TRIP4: variants seen among roughly 807,000 people sequenced by gnomAD.
The protein encoded by TRIP4 is activating signal cointegrator 1.
In TRIP4, 54 loss-of-function variants were observed where a neutral mutation model predicts 81.8. The observed-to-expected ratio is 0.66, with a 90% CI of 0.53 to 0.83. TRIP4 has a LOEUF of 0.83. Among genes scored for constraint, TRIP4 ranks in the 40% least tolerant of loss-of-function variants. TRIP4 has a pLI of 0.00. For synonymous variants in TRIP4, 270 were observed against 242.8 expected, an observed-to-expected ratio of 1.11 and a Z score of -1.04; for missense variants, 662 against 683.6, an observed-to-expected ratio of 0.97 and a Z score of 0.35.
intron 9 of TRIP4, among the ~76,000 whole-genome samples, chr15:64,420,229 C>T (rs1029825800): frequency 2.6e-5 from 4 of 151,430 alleles, no homozygotes; most frequent in Admixed American, 2.0e-4. Context: ...TCAAGCCATT[C>T]TCCTGCCTCA....
At chr15:64,400,693 C>A in intron 4 of TRIP4, 50 bp from the exon 5 acceptor site, 1 of 1,418,582 alleles carries the variant, frequency 7.0e-7, no homozygotes, top group Non-Finnish European at 9.9e-7. Context: ...ATCAAGAAAG[C>A]AATATAATTT....
intron 4 of TRIP4, among the ~76,000 whole-genome samples, chr15:64,399,847 T>C (rs1323696524): frequency 8.6e-5 from 13 of 151,682 alleles, no homozygotes; most frequent in Admixed American, 3.3e-4. Flanking sequence ...TGCTGGCTTA[T>C]GTCTGTAATC....
chr15:64,405,840 T>A (rs1891610065), intron 5 of TRIP4, among the ~76,000 whole-genome samples: 1 of 152,090 alleles, frequency 6.6e-6, no homozygotes, highest in African/African-American at 2.4e-5. Context: ...TACAAAAATT[T>A]AAAAATTCAG....
intron 5 of TRIP4, among the ~76,000 whole-genome samples, chr15:64,405,094 T>C (rs1324994577): frequency 6.6e-6 from 1 of 152,112 alleles, no homozygotes; most frequent in Non-Finnish European, 1.5e-5. Flanking sequence ...ATGGAATCAA[T>C]GTTGGCTTTA....
chr15:64,413,880 C>CT (rs2140294849), intron 7 of TRIP4, among the ~76,000 whole-genome samples: 1 of 152,326 alleles, frequency 6.6e-6, no homozygotes, highest in East Asian at 1.9e-4. Flanking sequence ...GCCACTGTGC[C>CT]TGGCCATTCT....
intron 12 of TRIP4, among the ~76,000 whole-genome samples, chr15:64,452,762 A>G (rs2140319068): frequency 6.6e-6 from 1 of 152,282 alleles, no homozygotes; most frequent in South Asian, 2.1e-4. Context: ...GCACAATATC[A>G]TAGAGTTGGA....
rs11858922 is a variant in TRIP4 at position 64,418,838 on chromosome 15, C to A, written c.1358+110C>A. 4.0e-3 allele frequency: 4,022 copies of A among 1,000,410 alleles called. 102 individuals are homozygous for A. In the African/African-American group the frequency reaches 0.059, roughly 15 times the overall value. The allele number at this position is 1,000,410 out of a possible 1,614,324, so 62.0% of individuals were successfully genotyped here. On this transcript the variant is annotated intron_variant, in intron 9 of 12. Transcript: ENST00000261884. ...CTCAATCTAGTGATGATTTATAATA[C>A]TCTTCAATAAATAGAACTTTGAACA... is the stretch of plus-strand genomic sequence containing the variant.
At position 64,444,857 on chromosome 15, in the gene TRIP4, T is replaced by C. The variant is rs990041966; in HGVS notation, c.1576-149T>C. ...AGGATTGTAGAAAGGTGAAGGTTTG[T>C]TCTTGCTTGTTGAGCATAATCCTCT... is the stretch of plus-strand genomic sequence containing the variant. On this transcript the variant is annotated intron_variant, in intron 11 of 12. Coordinates refer to ENST00000261884, the MANE Select transcript of TRIP4 (RefSeq NM_016213.5). 9 of 560,348 alleles carry C rather than the reference T, an allele frequency of 1.6e-5. No homozygotes were observed. The African/African-American group carries it at 1.7e-4, about 11-fold the overall frequency. 34.7% of individuals were successfully genotyped at this position (560,348 alleles called of 1,614,324 possible).
intron 5 of TRIP4, among the ~76,000 whole-genome samples, chr15:64,403,384 C>T (rs1165161299): frequency 1.3e-5 from 2 of 152,030 alleles, no homozygotes; most frequent in Admixed American, 1.3e-4. Context: ...TGGTCTTGAT[C>T]TCTTGACCTC....
At chr15:64,424,645 T>C (rs1297779611) in intron 10 of TRIP4, among the ~76,000 whole-genome samples, 2 of 152,232 alleles carry the variant, frequency 1.3e-5, no homozygotes, top group African/African-American at 4.8e-5. Flanking sequence ...TTCCTTTGTG[T>C]TATCCAGCTC....
chr15:64,406,306 T>G (rs1488766897), intron 5 of TRIP4, 24 bp from the exon 6 acceptor site: 1 of 1,611,334 alleles, frequency 6.2e-7, no homozygotes, highest in Non-Finnish European at 8.5e-7. Context: ...GCTGACACCA[T>G]TTGACTTCCT....
intron 1 of TRIP4, among the ~76,000 whole-genome samples, chr15:64,392,524 G>A (rs944191780): frequency 5.9e-5 from 9 of 152,016 alleles, no homozygotes; most frequent in Admixed American, 3.3e-4. Context: ...TAGTAGAGAC[G>A]GTTTCACCAT....
chr15:64,400,700 A>G (rs774253650), intron 4 of TRIP4, 43 bp from the exon 5 acceptor site: 4 of 1,492,998 alleles, frequency 2.7e-6, no homozygotes, highest in Admixed American at 1.7e-5. Flanking sequence ...AAGCAATATA[A>G]TTTAACTGTT....
rs1566979582 is a variant in TRIP4 at position 64,424,145 on chromosome 15, TC to T, written c.1474del (p.Arg492ValfsTer22). On this transcript the variant is annotated frameshift_variant, in exon 10 of 13. Coordinates refer to ENST00000261884, the MANE Select transcript of TRIP4 (RefSeq NM_016213.5). LOFTEE classifies it high-confidence loss of function. Reference sequence around the variant, plus strand: ...AACTCCAGGCTACATATCGTCTTCTTCGTGGGAAAGGTAACAGCCGCATATT... The same window carrying T: ...AACTCCAGGCTACATATCGTCTTCTTGTGGGAAAGGTAACAGCCGCATATT... The part of the protein sequence containing the change: ...SELQATYRLL[R>X]GKDVEFPNDY... 6.2e-7 allele frequency: 1 copy of T among 1,614,198 alleles called. No homozygotes were observed. The highest frequency in any genetic ancestry group is 1.7e-5 in the Admixed American group (1 of 60,024).
intron 1 of TRIP4, among the ~76,000 whole-genome samples, chr15:64,393,149 TA>T (rs1276859514): frequency 6.6e-6 from 1 of 150,446 alleles, no homozygotes; most frequent in African/African-American, 2.5e-5. Flanking sequence ...TCTTGTATGT[TA>T]ATTTTTTTTT....
chr15:64,431,033 A>C (rs1892259121), intron 11 of TRIP4, among the ~76,000 whole-genome samples: 1 of 152,192 alleles, frequency 6.6e-6, no homozygotes, highest in South Asian at 2.1e-4. Context: ...GGAAGATTCC[A>C]AGTATCACTT....
chr15:64,417,779 T>C (rs1298154513), intron 8 of TRIP4, among the ~76,000 whole-genome samples: 1 of 152,224 alleles, frequency 6.6e-6, no homozygotes, highest in Admixed American at 6.5e-5. Flanking sequence ...AACATCTGTT[T>C]GGCTTTGTCA....
chr15:64,394,673 A>T (rs1900238572), intron 2 of TRIP4, among the ~76,000 whole-genome samples: 1 of 152,106 alleles, frequency 6.6e-6, no homozygotes, highest in African/African-American at 2.4e-5. Flanking sequence ...GTGGCTTCAG[A>T]ATAATTTGAA....
At chr15:64,416,495 G>A (rs1891893348) in intron 8 of TRIP4, among the ~76,000 whole-genome samples, 1 of 152,152 alleles carries the variant, frequency 6.6e-6, no homozygotes, top group Non-Finnish European at 1.5e-5. Context: ...GGCTGAGGAA[G>A]GAGGATCACT....
Sources: allele counts gnomAD v4.1 joint callset (sites outside exome capture counted in the v4.1 genomes callset), GRCh38; gene constraint gnomAD v4.1.1; transcripts MANE v1.5; gene names NCBI Gene and HGNC (gene_info 2026-07-23, HGNC 2026-07-21).